Variants in THRB observed in about 807,000 individuals in gnomAD.
THRB encodes the protein nuclear receptor subfamily 1 group A member 2.
A neutral mutation model predicts 47.8 loss-of-function variants in THRB; 12 were observed. The observed-to-expected ratio is 0.25, with a 90% CI of 0.16 to 0.41. THRB has a LOEUF of 0.41. Ranked by LOEUF, THRB falls within the 10% of genes least tolerant of loss-of-function variation. THRB has a pLI of 1.00. For missense variants in THRB, 348 were observed against 589.2 expected (o/e 0.59, Z 4.24); for synonymous variants, 218 against 212.2 (o/e 1.03, Z -0.24).
chr3:24,275,803 A>C (rs1469549449), intron 3 of THRB, among the ~76,000 whole-genome samples: 3 of 152,032 alleles, frequency 2.0e-5, no homozygotes, highest in African/African-American at 7.2e-5. Context: ...GGACCTTAAA[A>C]CGCTACATGA....
intron 3 of THRB, among the ~76,000 whole-genome samples, chr3:24,290,417 A>C (rs2055803163): frequency 6.6e-6 from 1 of 152,190 alleles, no homozygotes; most frequent in Admixed American, 6.5e-5. Flanking sequence ...GACATCTTAT[A>C]AACAAAATGT....
chr3:24,346,732 C>T (rs931226212), intron 1 of THRB, among the ~76,000 whole-genome samples: 1 of 151,828 alleles, frequency 6.6e-6, no homozygotes, highest in South Asian at 2.1e-4. Flanking sequence ...AAGATATGAG[C>T]GCTAAATCTG....
At chr3:24,456,831 G>A (rs137986284) in intron 1 of THRB, among the ~76,000 whole-genome samples, 4 of 151,884 alleles carry the variant, frequency 2.6e-5, no homozygotes, top group Non-Finnish European at 4.4e-5. Context: ...TGTACCATTA[G>A]TTAGCATCTA....
intron 2 of THRB, among the ~76,000 whole-genome samples, chr3:24,322,825 G>A (rs2058569626): frequency 6.6e-6 from 1 of 152,080 alleles, no homozygotes; most frequent in Non-Finnish European, 1.5e-5. Context: ...TTTATTGCAT[G>A]GTCCTGCATC....
chr3:24,181,519 A>T (rs1361009597), intron 5 of THRB, among the ~76,000 whole-genome samples: 1 of 152,240 alleles, frequency 6.6e-6, no homozygotes, highest in Non-Finnish European at 1.5e-5. Flanking sequence ...ATATCTTGAT[A>T]GCCTATGATC....
At chr3:24,447,033 A>C (rs1437960702) in intron 1 of THRB, among the ~76,000 whole-genome samples, 2 of 152,230 alleles carry the variant, frequency 1.3e-5, no homozygotes, top group African/African-American at 2.4e-5. Flanking sequence ...TTATGCAAAT[A>C]TAGCCTCCAT....
intron 1 of THRB, among the ~76,000 whole-genome samples, chr3:24,491,917 C>G (rs190515583): frequency 6.6e-6 from 1 of 152,272 alleles, no homozygotes; most frequent in Admixed American, 6.5e-5. Flanking sequence ...AGGCAAATGC[C>G]CTTAGGAGGA....
chr3:24,290,674 CAAG>C (rs1172212654), intron 3 of THRB, among the ~76,000 whole-genome samples: 4 of 152,140 alleles, frequency 2.6e-5, no homozygotes, highest in Admixed American at 2.6e-4. Flanking sequence ...ATTTTTCTGA[CAAG>C]AAGCCTGATT....
chr3:24,124,434 C>A (rs1259091692), intron 10 of THRB, among the ~76,000 whole-genome samples: 2 of 152,062 alleles, frequency 1.3e-5, no homozygotes, highest in African/African-American at 4.8e-5. Context: ...AATAGAAGAT[C>A]AACATATTAT....
chr3:24,302,839 T>C (rs1002453968), intron 2 of THRB, among the ~76,000 whole-genome samples: 1 of 152,216 alleles, frequency 6.6e-6, no homozygotes, highest in Non-Finnish European at 1.5e-5. Flanking sequence ...TTCACGACTG[T>C]ACTAGGGACC....
chr3:24,234,527 C>T (rs1305424121), intron 3 of THRB, among the ~76,000 whole-genome samples: 1 of 152,154 alleles, frequency 6.6e-6, no homozygotes, highest in Non-Finnish European at 1.5e-5. Context: ...AATCCATCAA[C>T]CCAAGGATCT....
At chr3:24,264,361 AT>A (rs967489675) in intron 3 of THRB, among the ~76,000 whole-genome samples, 62 of 152,308 alleles carry the variant, frequency 4.1e-4, no homozygotes, top group African/African-American at 1.4e-3. Flanking sequence ...GCTTAAAAAA[AT>A]AACTGTGTTT....
At chr3:24,377,378 AG>A (rs1271437840) in intron 1 of THRB, among the ~76,000 whole-genome samples, 2 of 152,146 alleles carry the variant, frequency 1.3e-5, no homozygotes, top group African/African-American at 4.8e-5. Context: ...AAGTTGGGCC[AG>A]TGACTGTCCT....
At chr3:24,331,781 G>A (rs1420146448) in intron 2 of THRB, among the ~76,000 whole-genome samples, 1 of 151,896 alleles carries the variant, frequency 6.6e-6, no homozygotes, top group Non-Finnish European at 1.5e-5. Flanking sequence ...CTACAAATTT[G>A]ATCACATGCA....
chr3:24,207,080 G>A (rs578076187), intron 4 of THRB, among the ~76,000 whole-genome samples: 37 of 152,294 alleles, frequency 2.4e-4, no homozygotes, highest in African/African-American at 8.4e-4. Flanking sequence ...GGAAGAGCTG[G>A]TACCATTCCT....
chr3:24,403,325 G>A (rs148640487), intron 1 of THRB, among the ~76,000 whole-genome samples: 24 of 152,112 alleles, frequency 1.6e-4, no homozygotes, highest in African/African-American at 5.8e-4. Flanking sequence ...CTAGGGAAGA[G>A]ATGTAGGAGT....
intron 2 of THRB, among the ~76,000 whole-genome samples, chr3:24,324,584 T>A (rs964188226): frequency 1.3e-5 from 2 of 152,228 alleles, no homozygotes; most frequent in South Asian, 2.1e-4. Flanking sequence ...GAAAACTGCA[T>A]ACATATCAAC....
At chr3:24,211,533 G>A (rs1312659391) in intron 4 of THRB, among the ~76,000 whole-genome samples, 2 of 152,112 alleles carry the variant, frequency 1.3e-5, no homozygotes, top group Non-Finnish European at 2.9e-5. Context: ...CTGGACTGCC[G>A]TGGACCTATA....
chr3:24,495,028 T>C (rs1033051802), upstream of THRB: 5 of 152,054 alleles, frequency 3.3e-5, no homozygotes, highest in African/African-American at 1.2e-4. Flanking sequence ...CTCTCCACTT[T>C]TATAGGCGTA....
Sources: allele counts gnomAD v4.1 joint callset (sites outside exome capture counted in the v4.1 genomes callset), GRCh38; gene constraint gnomAD v4.1.1; transcripts MANE v1.5; gene names NCBI Gene and HGNC (gene_info 2026-07-23, HGNC 2026-07-21).